The following KLHL29 variants were observed in gnomAD, a reference collection of about 807,000 sequenced individuals.
The protein encoded by KLHL29 is kelch-like protein 29.
KLHL29 carries 21 observed loss-of-function variants against 80.4 expected under a neutral mutation model. That is an observed-to-expected ratio of 0.26 (90% confidence interval 0.19 to 0.38). The LOEUF is 0.38. Ranked by LOEUF, KLHL29 falls within the 10% of genes least tolerant of loss-of-function variation. The pLI is 1.00. For missense variants in KLHL29, 867 were observed against 1,223.9 expected (o/e 0.71, Z 4.35); for synonymous variants, 511 against 526.8 (o/e 0.97, Z 0.41).
At chr2:23,460,984 G>C (rs967754917) in intron 1 of KLHL29, among the ~76,000 whole-genome samples, 1 of 151,866 alleles carries the variant, frequency 6.6e-6, no homozygotes, top group Non-Finnish European at 1.5e-5. Context: ...CTTGGATTTT[G>C]TGTCTGCGCT....
At chr2:23,460,181 TATTTC>T (rs1168757360) in intron 1 of KLHL29, among the ~76,000 whole-genome samples, 1 of 152,264 alleles carries the variant, frequency 6.6e-6, no homozygotes, top group Admixed American at 6.5e-5. Flanking sequence ...AAATTTATTT[TATTTC>T]ATTTCCTTCT....
chr2:23,505,338 G>A (rs189104253), intron 2 of KLHL29, among the ~76,000 whole-genome samples: 5 of 152,310 alleles, frequency 3.3e-5, no homozygotes, highest in Admixed American at 6.5e-5. Context: ...GTGTTCTCTC[G>A]AGGCATGTGC....
At chr2:23,593,970 A>G (rs958477449) in intron 3 of KLHL29, among the ~76,000 whole-genome samples, 5 of 152,060 alleles carry the variant, frequency 3.3e-5, no homozygotes, top group Admixed American at 6.5e-5. Context: ...TTTCCCTGCC[A>G]TGTCTTCTCT....
intron 3 of KLHL29, among the ~76,000 whole-genome samples, chr2:23,589,582 G>A (rs1668205733): frequency 6.6e-6 from 1 of 152,226 alleles, no homozygotes; most frequent in Non-Finnish European, 1.5e-5. Flanking sequence ...AGCGGCCTTG[G>A]CCCCAGGACC....
chr2:23,608,122 C>G lies in KLHL29; in HGVS notation c.286-31017C>G, dbSNP rs182261604. 3.1e-3 allele frequency among the ~76,000 whole-genome samples: 471 copies of G among 152,278 alleles called. 1 individual carries two copies. Among genetic ancestry groups the G allele is most frequent in the Middle Eastern group, 6.8e-3 (2 of 294 alleles). ...AAAATGTCACCTTTTGTTGTCCACACAAAGACAGTAATTTCCATCTCCATT... is the reference window on the plus strand; with the variant it reads ...AAAATGTCACCTTTTGTTGTCCACAGAAAGACAGTAATTTCCATCTCCATT... On this transcript the variant is annotated intron_variant, in intron 3 of 13. Transcript: ENST00000486442.
chr2:23,697,615 G>A (rs1032302250), intron 11 of KLHL29: 7 of 152,204 alleles, frequency 4.6e-5, no homozygotes, highest in Admixed American at 2.0e-4. Context: ...CAGCAAAGAC[G>A]GTTGCAGAGT....
intron 3 of KLHL29, among the ~76,000 whole-genome samples, chr2:23,577,268 G>A (rs988108900): frequency 6.6e-6 from 1 of 152,176 alleles, no homozygotes; most frequent in Admixed American, 6.5e-5. Flanking sequence ...TGGCCAACAT[G>A]GTGAAACCCC....
At chr2:23,639,907 C>G (rs528973086) in intron 4 of KLHL29, among the ~76,000 whole-genome samples, 1 of 152,190 alleles carries the variant, frequency 6.6e-6, no homozygotes, top group Non-Finnish European at 1.5e-5. Flanking sequence ...TGCCCCACAG[C>G]CCATAGATTC....
chr2:23,510,097 T>A (rs1665723217), intron 2 of KLHL29, among the ~76,000 whole-genome samples: 1 of 151,738 alleles, frequency 6.6e-6, no homozygotes, highest in Non-Finnish European at 1.5e-5. Context: ...GAGGAGGAAA[T>A]GAGACGGAGG....
At chr2:23,467,869 G>C (rs1368539966) in intron 1 of KLHL29, among the ~76,000 whole-genome samples, 1 of 151,924 alleles carries the variant, frequency 6.6e-6, no homozygotes, top group Non-Finnish European at 1.5e-5. Context: ...TCAGCCCGTT[G>C]GTTCCACCGC....
At chr2:23,611,984 G>T (rs747193930) in intron 3 of KLHL29, among the ~76,000 whole-genome samples, 1 of 152,064 alleles carries the variant, frequency 6.6e-6, no homozygotes, top group Non-Finnish European at 1.5e-5. Flanking sequence ...AGGCGGGGAG[G>T]TGGGGCAGTA....
intron 3 of KLHL29, among the ~76,000 whole-genome samples, chr2:23,574,331 C>A (rs917278544): frequency 3.3e-5 from 5 of 152,074 alleles, no homozygotes; most frequent in African/African-American, 9.7e-5. Context: ...CGGTCAGGAC[C>A]CATGTTCGTA....
At chr2:23,662,982 C>T (rs188896115) in intron 5 of KLHL29, among the ~76,000 whole-genome samples, 13 of 152,334 alleles carry the variant, frequency 8.5e-5, no homozygotes, top group African/African-American at 2.9e-4. Flanking sequence ...CTCTGCGCCT[C>T]ATTTTCCTGG....
chr2:23,606,200 G>GAGA lies in KLHL29; in HGVS notation c.286-32939_286-32938insAGA, dbSNP rs56098712. Among the ~76,000 whole-genome samples, 1,295 of 149,856 alleles carry GAGA rather than the reference G, an allele frequency of 8.6e-3. 22 individuals carry two copies. Among genetic ancestry groups the GAGA allele is most frequent in the African/African-American group, 0.03 (1,218 of 40,338 alleles). ...AGAGAGAGAGAGAGGGAGAGAGAGA[G>GAGA]GGAGAGAGAGAGAGAGGCAGAGAGA... On this transcript the variant is annotated intron_variant, in intron 3 of 13. Transcript: ENST00000486442.
chr2:23,696,350 G>A lies in KLHL29; in HGVS notation c.1942G>A (p.Val648Met), dbSNP rs1357898008. Residue 648 changes from valine (V) to methionine (M), a missense_variant, in exon 11 of 14, where the codon GTG becomes ATG. Val to Met is a conservative substitution (Grantham distance 21). This residue lies in a region of KLHL29 where 443 missense variants were observed against 767.0 expected (regional missense o/e 0.58). Coordinates refer to ENST00000486442, the MANE Select transcript of KLHL29 (RefSeq NM_052920.2). This position sits in a 1 kb window ranked among gnomAD's most constrained non-coding sequence, Gnocchi z 5.5. ...IYLSGGMESG[V>M]TLADVWCYMS... ...GCCTCCAGGTGGGATGGAATCAGGG[G>A]TGACGCTGGCTGATGTCTGGTGCTA... is the stretch of plus-strand genomic sequence containing the variant. 3 of 1,551,608 alleles carry A rather than the reference G, an allele frequency of 1.9e-6. No homozygotes were observed. The highest frequency in any genetic ancestry group is 3.9e-5 in the Admixed American group (2 of 51,006).
chr2:23,645,195 C>G (rs902107785), intron 5 of KLHL29, among the ~76,000 whole-genome samples: 4 of 152,116 alleles, frequency 2.6e-5, no homozygotes, highest in African/African-American at 9.7e-5. Context: ...ATTTGTCTGT[C>G]AGATCTAATG....
At chr2:23,409,217 A>G (rs1246825223) in intron 1 of KLHL29, among the ~76,000 whole-genome samples, 1 of 152,186 alleles carries the variant, frequency 6.6e-6, no homozygotes, top group Non-Finnish European at 1.5e-5. Flanking sequence ...GAGAGCAAAG[A>G]AGAAGAGAAA....
At chr2:23,527,099 C>A (rs1465483785) in intron 2 of KLHL29, among the ~76,000 whole-genome samples, 1 of 152,100 alleles carries the variant, frequency 6.6e-6, no homozygotes, top group South Asian at 2.1e-4. Flanking sequence ...GAGAACTGGG[C>A]GACGGTGGCC....
intron 1 of KLHL29, among the ~76,000 whole-genome samples, chr2:23,393,707 G>A (rs1189417097): frequency 6.6e-6 from 1 of 152,160 alleles, no homozygotes; most frequent in African/African-American, 2.4e-5. Context: ...AAATGTGTTT[G>A]CTCTGTTTTA....
Sources: gnomAD v4.1 joint callset for allele counts (sites outside exome capture counted in the v4.1 genomes callset) on GRCh38, gnomAD v4.1.1 for gene constraint, gnomAD v4.1.1 regional missense constraint, Gnocchi (gnomAD v3.1) non-coding constraint, MANE v1.5 for transcripts, NCBI Gene and HGNC (gene_info 2026-07-23, HGNC 2026-07-21) for gene names.